ZNRF3: variants seen among roughly 807,000 people sequenced by gnomAD.
ZNRF3 encodes the protein E3 ubiquitin-protein ligase ZNRF3.
ZNRF3 carries 23 observed loss-of-function variants against 72.5 expected under a neutral mutation model. The observed-to-expected ratio is 0.32, with a 90% confidence interval of 0.23 to 0.45. The LOEUF (loss-of-function observed/expected upper bound fraction) is 0.45, where lower values mean the gene tolerates loss of function less well. Ranked by LOEUF, ZNRF3 falls within the 20% of genes least tolerant of loss-of-function variation. The pLI is 1.00. For missense variants in ZNRF3, 1,169 were observed against 1,272.1 expected (o/e 0.92, Z 1.23); for synonymous variants, 610 against 545.3 (o/e 1.12, Z -1.65).
At chr22:28,927,912 GA>G (rs2034633150) in intron 1 of ZNRF3, among the ~76,000 whole-genome samples, 1 of 152,206 alleles carries the variant, frequency 6.6e-6, no homozygotes, top group African/African-American at 2.4e-5. Flanking sequence ...CAAGAGCTGT[GA>G]CTTTAGCTAC....
At chr22:29,008,793 G>A (rs191978839) in intron 2 of ZNRF3, among the ~76,000 whole-genome samples, 2 of 152,264 alleles carry the variant, frequency 1.3e-5, no homozygotes, top group East Asian at 1.9e-4. Context: ...TGGACATCTC[G>A]TACCACTCGC....
intron 1 of ZNRF3, among the ~76,000 whole-genome samples, chr22:28,960,477 G>A (rs1157346121): frequency 6.6e-6 from 1 of 152,206 alleles, no homozygotes; most frequent in East Asian, 1.9e-4. Flanking sequence ...GCAGTAGCTG[G>A]AGAGCTACTG....
intron 1 of ZNRF3, among the ~76,000 whole-genome samples, chr22:28,972,709 C>T (rs1447990502): frequency 6.6e-6 from 1 of 152,218 alleles, no homozygotes; most frequent in African/African-American, 2.4e-5. Context: ...GTGGCTGCTC[C>T]ATTCTGCGTT....
At position 28,919,202 on chromosome 22, in the gene ZNRF3, G is replaced by A. The variant is rs868051356; in HGVS notation, c.300+35136G>A. The stretch of plus-strand genomic sequence containing the variant: ...ACAAGTTATTTCTGAACTGGAGTTT[G>A]CAGTCCCTTCTTTCCTGGAAAATGC... On this transcript the variant is annotated intron_variant, in intron 1 of 8. Transcript: ENST00000544604. Among the ~76,000 whole-genome samples, 6 of 152,308 alleles carry A rather than the reference G, an allele frequency of 3.9e-5. No homozygotes were observed. In the Middle Eastern group the frequency reaches 0.01, roughly 259 times the overall value.
intron 1 of ZNRF3, among the ~76,000 whole-genome samples, chr22:28,894,940 G>A (rs904065434): frequency 6.6e-6 from 1 of 152,084 alleles, no homozygotes; most frequent in Non-Finnish European, 1.5e-5. Flanking sequence ...ATAGTGGAGT[G>A]GCAGCTGCCC....
chr22:28,895,580 T>C (rs1370395498), intron 1 of ZNRF3, among the ~76,000 whole-genome samples: 1 of 151,992 alleles, frequency 6.6e-6, no homozygotes, highest in Non-Finnish European at 1.5e-5. Context: ...GGCAGGAGAA[T>C]GGCATGAACC....
At chr22:28,967,935 A>G (rs368585905) in intron 1 of ZNRF3, among the ~76,000 whole-genome samples, 2 of 151,212 alleles carry the variant, frequency 1.3e-5, no homozygotes, top group Non-Finnish European at 3.0e-5. Context: ...CAAAAAAAAA[A>G]AAAAAAAAGA....
chr22:28,961,180 T>TAATCTG (rs1386895165), intron 1 of ZNRF3, among the ~76,000 whole-genome samples: 1 of 152,170 alleles, frequency 6.6e-6, no homozygotes, highest in Non-Finnish European at 1.5e-5. Flanking sequence ...CTTCAAGACC[T>TAATCTG]TTTATAAGGG....
chr22:29,046,034 A>G (rs988873286), intron 5 of ZNRF3, among the ~76,000 whole-genome samples: 15 of 152,310 alleles, frequency 9.8e-5, no homozygotes, highest in Admixed American at 2.6e-4. Flanking sequence ...CAGGCCACCT[A>G]CACAGTATAC....
intron 1 of ZNRF3, among the ~76,000 whole-genome samples, chr22:28,894,440 G>T (rs1221157892): frequency 6.6e-6 from 1 of 151,406 alleles, no homozygotes; most frequent in East Asian, 1.9e-4. Flanking sequence ...CCTTGTAGGT[G>T]TATCAGAGCA....
chr22:28,927,571 A>G (rs2034626848), intron 1 of ZNRF3, among the ~76,000 whole-genome samples: 1 of 152,200 alleles, frequency 6.6e-6, no homozygotes. Context: ...TCCAAAACAA[A>G]TTAATATGTG....
rs1601723185 is a variant in ZNRF3 at position 29,054,124 on chromosome 22, G to A, written c.*502G>A. ...CAGGGCTTCACCTGCCTTAGAAAAT[G>A]AACCAGAAACTTGAAGTAAAGCTAG... On this transcript the variant is annotated 3_prime_UTR_variant, in exon 9 of 9. Transcript: ENST00000544604. 1 of 152,546 alleles carries A rather than the reference G, an allele frequency of 6.6e-6. No homozygotes were observed. The highest frequency in any genetic ancestry group is 1.5e-5 in the Non-Finnish European group (1 of 68,232). The allele number at this position is 152,546 out of a possible 1,614,324, so 9.4% of individuals were successfully genotyped here.
At chr22:28,977,538 T>C (rs528650737) in intron 1 of ZNRF3, among the ~76,000 whole-genome samples, 3 of 152,144 alleles carry the variant, frequency 2.0e-5, no homozygotes, top group Non-Finnish European at 2.9e-5. Context: ...TAAGAAAAGG[T>C]CTGGGACTGA....
chr22:28,897,007 G>A (rs375453328), intron 1 of ZNRF3, among the ~76,000 whole-genome samples: 1 of 152,150 alleles, frequency 6.6e-6, no homozygotes, highest in Non-Finnish European at 1.5e-5. Flanking sequence ...GGGCTCAAGC[G>A]ATCCTTCCGT....
chr22:29,019,920 GCACCC>G (rs1055811327), intron 2 of ZNRF3, among the ~76,000 whole-genome samples: 1 of 151,978 alleles, frequency 6.6e-6, no homozygotes, highest in African/African-American at 2.4e-5. Context: ...TAGCAAGTAT[GCACCC>G]CACCCCACCC....
intron 6 of ZNRF3, 121 bp downstream of exon 6, chr22:29,047,004 C>G: frequency 9.8e-7 from 1 of 1,021,662 alleles, no homozygotes; most frequent in Non-Finnish European, 1.3e-6. Flanking sequence ...TAGAGTCACT[C>G]TTCTGAAAAT....
At chr22:28,978,628 ATTCACGTG>A (rs1310728605) in intron 1 of ZNRF3, among the ~76,000 whole-genome samples, 2 of 152,226 alleles carry the variant, frequency 1.3e-5, no homozygotes. Flanking sequence ...GATTAAAATA[ATTCACGTG>A]TCTGTTTATA....
At chr22:28,906,348 C>T (rs952483316) in intron 1 of ZNRF3, among the ~76,000 whole-genome samples, 3 of 152,146 alleles carry the variant, frequency 2.0e-5, no homozygotes, top group Non-Finnish European at 1.5e-5. Context: ...CCTCTCAAGG[C>T]TAAAATCTAC....
intron 1 of ZNRF3, chr22:28,917,430 C>T (rs1434370462): frequency 1.4e-5 from 14 of 985,294 alleles, no homozygotes; most frequent in African/African-American, 1.7e-5. Flanking sequence ...GGGGAGTGTC[C>T]TGTGTGGTGT....
Sources: allele counts gnomAD v4.1 joint callset (sites outside exome capture counted in the v4.1 genomes callset), GRCh38; gene constraint gnomAD v4.1.1; transcripts MANE v1.5; gene names NCBI Gene and HGNC (gene_info 2026-07-23, HGNC 2026-07-21).